Variants in PNPLA5 observed in about 807,000 individuals in gnomAD.
PNPLA5 encodes patatin like domain 5, triacylglycerol lipase, also known as patatin-like phospholipase domain-containing protein 5.
A neutral mutation model predicts 49.1 loss-of-function variants in PNPLA5; 44 were observed. The observed-to-expected ratio is 0.90, with a 90% confidence interval of 0.70 to 1.15. PNPLA5 has a LOEUF of 1.15. Among genes scored for constraint, PNPLA5 ranks in the 50% most tolerant of loss-of-function variants. PNPLA5 has a pLI of 0.00. For synonymous variants in PNPLA5, 243 were observed against 244.4 expected (o/e 0.99, Z 0.06); for missense variants, 603 against 564.0 (o/e 1.07, Z -0.70).
At chr22:43,885,719 C>CA (rs1489753392) in intron 6 of PNPLA5, among the ~76,000 whole-genome samples, 21 of 152,186 alleles carry the variant, frequency 1.4e-4, no homozygotes, top group Non-Finnish European at 1.5e-4. Flanking sequence ...GACATTTAGT[C>CA]ACACAGCGGG....
intron 5 of PNPLA5, among the ~76,000 whole-genome samples, chr22:43,887,134 C>T (rs944754646): frequency 1.3e-5 from 2 of 152,124 alleles, no homozygotes; most frequent in African/African-American, 4.8e-5. Context: ...AGGTGCCTGC[C>T]TCTGTCCCTT....
chr22:43,884,513 T>G, intron 6 of PNPLA5, 168 bp from the exon 7 acceptor site: 1 of 649,972 alleles, frequency 1.5e-6, no homozygotes, highest in Non-Finnish European at 1.9e-6. Context: ...TCTGCGCTCA[T>G]CGTTGTCCGT....
chr22:43,889,899 G>A (rs752337797), intron 2 of PNPLA5, 35 bp from the exon 3 acceptor site: 2 of 1,609,584 alleles, frequency 1.2e-6, no homozygotes, highest in Admixed American at 3.4e-5. Context: ...ACACAACTGT[G>A]CATGCTTCTT....
rs758046658 is a variant in PNPLA5 at position 43,880,133 on chromosome 22, C to T, written c.*662G>A. 11 of 308,042 alleles carry T rather than the reference C, an allele frequency of 3.6e-5. No homozygotes were observed. The highest frequency in any genetic ancestry group is 8.5e-4 in the Middle Eastern group (1 of 1,178). The allele number at this position is 308,042 out of a possible 1,614,324, so 19.1% of individuals were successfully genotyped here. ...TCTGCCCCAGGTACAGGCACAGCTA[C>T]GTCACAAACCTTCTGCAGGAATGAG... On this transcript the variant is annotated 3_prime_UTR_variant, in exon 9 of 9. Coordinates refer to ENST00000216177, the MANE Select transcript of PNPLA5 (RefSeq NM_138814.4).
rs147929574 is a variant in PNPLA5, at chr22:43,884,345, G to A, written c.950C>T (p.Ala317Val). The change falls in exon 7 of 9, where the codon GCA becomes GTA. Residue 317 changes from alanine to valine, a missense_variant and splice_region_variant. By Grantham distance (64) the Ala-to-Val change is moderately conservative (BLOSUM62 0). Coordinates refer to ENST00000216177, the MANE Select transcript of PNPLA5 (RefSeq NM_138814.4). ...FEQLSPELEA[A>V]LKKACTRDPS... is the part of the protein sequence containing the mutation. ...ATCCCTCGTACATGCTTTCTTCAGT[G>A]CTGCAAGAGAAGCCCTGGCATGGCC... 457 of 1,559,554 alleles carry A rather than the reference G, an allele frequency of 2.9e-4. 1 individual carries two copies. The highest frequency in any genetic ancestry group is 3.6e-4 in the Non-Finnish European group (410 of 1,151,698).
chr22:43,879,780 C>T lies in PNPLA5; in HGVS notation c.*1015G>A, dbSNP rs1306497084. On this transcript the variant is annotated 3_prime_UTR_variant, in exon 9 of 9. Transcript: ENST00000216177. ...TCACGGTTCACTGCAGCCTCGACCT[C>T]CTGGGCTCAAATGATCCTCCATCCT... 6.6e-6 allele frequency: 1 copy of T among 152,136 alleles called. No individual in the cohort carries two copies. Among genetic ancestry groups the T allele is most frequent in the African/African-American group, 2.4e-5 (1 of 41,400 alleles). The allele number at this position is 152,136 out of a possible 1,614,324, so 9.4% of individuals were successfully genotyped here.
chr22:43,887,535 G>T, intron 5 of PNPLA5, 56 bp downstream of exon 5: 3 of 1,579,288 alleles, frequency 1.9e-6, no homozygotes, highest in Non-Finnish European at 2.6e-6. Context: ...AAGAGGCAGG[G>T]TCTACCTGGC....
Position 43,886,330 on chromosome 22 carries a change from C to T in PNPLA5, c.922G>A (p.Glu308Lys), listed in dbSNP as rs921028355. The change falls in exon 6 of 9, where the codon GAG becomes AAG. Residue 308 changes from glutamate to lysine, a missense_variant. Glu to Lys is a moderately conservative substitution (Grantham distance 56). Transcript: ENST00000216177. ...HVQVKDVPNF[E>K]QLSPELEAAL... Reference sequence around the variant, plus strand: ...GCCTCCAGCTCTGGTGAGAGCTGCTCAAAGTTGGGTACATCCTTGACTTGC... The same window carrying T: ...GCCTCCAGCTCTGGTGAGAGCTGCTTAAAGTTGGGTACATCCTTGACTTGC... 1 of 1,613,932 alleles carries T rather than the reference C, an allele frequency of 6.2e-7. No homozygotes were observed. The highest frequency in any genetic ancestry group is 1.7e-5 in the Admixed American group (1 of 59,998).
chr22:43,886,773 T>C (rs2049669673), intron 5 of PNPLA5, among the ~76,000 whole-genome samples: 2 of 152,348 alleles, frequency 1.3e-5, no homozygotes, highest in South Asian at 4.1e-4. Context: ...CAATGCCCTT[T>C]GCCTCAGTTT....
intron 4 of PNPLA5, among the ~76,000 whole-genome samples, chr22:43,888,090 G>A (rs999610413): frequency 6.6e-6 from 1 of 152,168 alleles, no homozygotes; most frequent in African/African-American, 2.4e-5. Flanking sequence ...GTGGGCTGAG[G>A]AACCAGGAGC....
rs1439797440 is a variant in PNPLA5 at position 43,880,142 on chromosome 22, C to G, written c.*653G>C. The G allele has an allele frequency of 3.0e-6, 1 of 329,546 alleles. No homozygotes were observed. Among genetic ancestry groups the G allele is most frequent in the Non-Finnish European group, 5.5e-6 (1 of 182,686 alleles). 20.4% of individuals were successfully genotyped at this position (329,546 alleles called of 1,614,324 possible). A position where few individuals can be genotyped will look rare whatever the true frequency, so the allele number is the denominator to read the frequency against. ...GGTACAGGCACAGCTACGTCACAAA[C>G]CTTCTGCAGGAATGAGGCTGTGGGG... On this transcript the variant is annotated 3_prime_UTR_variant, in exon 9 of 9. Transcript: ENST00000216177.
intron 7 of PNPLA5, 153 bp from the exon 8 acceptor site, chr22:43,881,827 T>G: frequency 1.1e-6 from 1 of 942,718 alleles, no homozygotes. Context: ...TGGCCACTGT[T>G]GCAGAGCAGG....
chr22:43,888,378 G>GTA (rs1191075358), intron 4 of PNPLA5, among the ~76,000 whole-genome samples: 2 of 110,102 alleles, frequency 1.8e-5, no homozygotes, highest in African/African-American at 6.6e-5. Context: ...AGGAGTGTGT[G>GTA]TGTGTGTGTG....
intron 8 of PNPLA5, among the ~76,000 whole-genome samples, chr22:43,881,299 C>G (rs921189145): frequency 6.6e-6 from 1 of 152,198 alleles, no homozygotes; most frequent in African/African-American, 2.4e-5. Context: ...GGCACCTGTC[C>G]CATGGGTGGC....
At chr22:43,881,026 A>C in intron 8 of PNPLA5, 141 bp from the exon 9 acceptor site, 3 of 1,234,396 alleles carry the variant, frequency 2.4e-6, no homozygotes, top group Non-Finnish European at 3.0e-6. Context: ...TGTGGACCTC[A>C]GTGTGGCTGA....
At chr22:43,881,488 AG>A in intron 8 of PNPLA5, 69 bp downstream of exon 8, 1 of 1,454,900 alleles carries the variant, frequency 6.9e-7, no homozygotes, top group Non-Finnish European at 9.3e-7. Context: ...CCCAGGGTCC[AG>A]GGAAGCAGCT....
intron 7 of PNPLA5, 68 bp from the exon 8 acceptor site, chr22:43,881,742 C>T (rs2148324546): frequency 1.9e-6 from 3 of 1,569,232 alleles, no homozygotes; most frequent in Non-Finnish European, 1.7e-6. Context: ...GCCCACCCTC[C>T]CCATAGGCCC....
In PNPLA5 at chr22:43,891,146, C is replaced by A. The variant is rs1194530156; in HGVS notation, c.342G>T (p.Gln114His). 1.9e-6 allele frequency: 3 copies of A among 1,605,184 alleles called. No homozygotes were observed. Among genetic ancestry groups the A allele is most frequent in the Non-Finnish European group, 2.6e-6 (3 of 1,174,414 alleles). The change falls in exon 2 of 9, where the codon CAG (glutamine) becomes CAT (histidine). Residue 114 changes from glutamine (Q) to histidine (H), a missense_variant. Gln to His is a conservative substitution (Grantham distance 24, BLOSUM62 0). Transcript: ENST00000216177. ...LPPDAHVLAS[Q>H]RLGISLTRWP... is the part of the protein sequence containing the mutation. Reference sequence around the variant, plus strand: ...AGCGGGTCAGCGAAATGCCCAGCCGCTGGGAGGCCAGGACGTGGGCGTCGG... The same window carrying A: ...AGCGGGTCAGCGAAATGCCCAGCCGATGGGAGGCCAGGACGTGGGCGTCGG...
At chr22:43,884,140 C>G in intron 7 of PNPLA5, 73 bp downstream of exon 7, 1 of 1,393,468 alleles carries the variant, frequency 7.2e-7, no homozygotes, top group Non-Finnish European at 9.5e-7. Context: ...AGTGTGCCAG[C>G]CGCCCCTCCT....
Sources: gnomAD v4.1 joint callset for allele counts (sites outside exome capture counted in the v4.1 genomes callset) on GRCh38, gnomAD v4.1.1 for gene constraint, MANE v1.5 for transcripts, NCBI Gene and HGNC (gene_info 2026-07-23, HGNC 2026-07-21) for gene names.